LRRC4C: variants seen among roughly 807,000 people sequenced by gnomAD.
LRRC4C encodes the protein leucine-rich repeat-containing protein 4C.
A neutral mutation model predicts 33.6 loss-of-function variants in LRRC4C; 5 were observed. The observed-to-expected ratio is 0.15, with a 90% CI of 0.08 to 0.31. The LOEUF (loss-of-function observed/expected upper bound fraction) is 0.31, where lower values mean the gene tolerates loss of function less well. LRRC4C is among the 10% of genes least tolerant of loss of function. The probability of loss-of-function intolerance (pLI) is 1.00; values close to 1 mark genes in which losing one functional copy is unlikely to be tolerated. For missense variants in LRRC4C, 560 were observed against 796.7 expected, an observed-to-expected ratio of 0.70 and a Z score of 3.58; for synonymous variants, 329 against 302.0, an observed-to-expected ratio of 1.09 and a Z score of -0.93.
At chr11:41,401,736 T>C (rs1471874816) in intron 1 of LRRC4C, among the ~76,000 whole-genome samples, 1 of 151,932 alleles carries the variant, frequency 6.6e-6, no homozygotes, top group Non-Finnish European at 1.5e-5. Flanking sequence ...TGTTTACTAA[T>C]TTTTTTACTT....
At chr11:40,914,651 CCT>C (rs1956861452) in intron 2 of LRRC4C, among the ~76,000 whole-genome samples, 1 of 152,148 alleles carries the variant, frequency 6.6e-6, no homozygotes, top group South Asian at 2.1e-4. Context: ...ACAGGGATGC[CCT>C]CTCTCACCTC....
intron 1 of LRRC4C, among the ~76,000 whole-genome samples, chr11:41,211,116 C>A (rs984467511): frequency 6.6e-6 from 1 of 152,070 alleles, no homozygotes; most frequent in Non-Finnish European, 1.5e-5. Context: ...GTCTGTGGCC[C>A]CAGGAGTTGG....
chr11:40,891,902 A>G (rs1447072829), intron 2 of LRRC4C, among the ~76,000 whole-genome samples: 3 of 151,942 alleles, frequency 2.0e-5, no homozygotes, highest in Non-Finnish European at 4.4e-5. Flanking sequence ...TTGGGAGGCC[A>G]AGGTGGGTGT....
At chr11:40,925,750 C>T (rs1303217119) in intron 2 of LRRC4C, among the ~76,000 whole-genome samples, 1 of 152,110 alleles carries the variant, frequency 6.6e-6, no homozygotes, top group Non-Finnish European at 1.5e-5. Context: ...TCTCTATTAT[C>T]ATTTACTTTA....
At chr11:40,794,326 A>G (rs1950740194) in intron 2 of LRRC4C, among the ~76,000 whole-genome samples, 1 of 149,200 alleles carries the variant, frequency 6.7e-6, no homozygotes, top group South Asian at 2.2e-4. Flanking sequence ...AGAAAAGAAT[A>G]TATTTTTAAG....
At chr11:40,789,562 C>T (rs1227972313) in intron 2 of LRRC4C, among the ~76,000 whole-genome samples, 1 of 152,030 alleles carries the variant, frequency 6.6e-6, no homozygotes, top group African/African-American at 2.4e-5. Flanking sequence ...AGTAAGGTTG[C>T]TCTACTCTTC....
At chr11:41,015,525 T>G (rs147370441) in intron 1 of LRRC4C, among the ~76,000 whole-genome samples, 16 of 152,028 alleles carry the variant, frequency 1.1e-4, no homozygotes, top group Middle Eastern at 3.4e-3. Context: ...TGTTGGTCAG[T>G]CTGGTTTTGA....
At chr11:40,611,331 T>C (rs771532109) in intron 3 of LRRC4C, among the ~76,000 whole-genome samples, 4 of 151,814 alleles carry the variant, frequency 2.6e-5, no homozygotes, top group Non-Finnish European at 4.4e-5. Context: ...AGAGTGAAAA[T>C]GGACCCCTGA....
chr11:40,573,162 T>C (rs1958051296), intron 3 of LRRC4C, among the ~76,000 whole-genome samples: 1 of 152,222 alleles, frequency 6.6e-6, no homozygotes, highest in South Asian at 2.1e-4. Flanking sequence ...AGATTAAATA[T>C]ATCCAGGACC....
intron 4 of LRRC4C, among the ~76,000 whole-genome samples, chr11:40,249,968 G>A (rs1184316217): frequency 6.9e-6 from 1 of 145,972 alleles, no homozygotes; most frequent in Non-Finnish European, 1.5e-5. Flanking sequence ...GCGCCAAGGG[G>A]CAAGTTAAGC....
At position 41,257,363 on chromosome 11, in the gene LRRC4C, G is replaced by C. The variant is rs1302107538; in HGVS notation, c.-496+202068C>G. On this transcript the variant is annotated intron_variant, in intron 1 of 6. Transcript: ENST00000528697. ...GATTCAAAATGCAGCCCCACCATCA[G>C]GCTGAGACACAATCACATTCCACAC... Among the ~76,000 whole-genome samples, 5 of 152,054 alleles carry C rather than the reference G, an allele frequency of 3.3e-5. No individual in the cohort carries two copies. The East Asian group carries it at 9.7e-4, about 29-fold the overall frequency.
In LRRC4C at chr11:40,438,136, C is replaced by T. The variant is rs186485880; in HGVS notation, c.-269-118415G>A. Among the ~76,000 whole-genome samples, 15 of 152,316 alleles carry T rather than the reference C, an allele frequency of 9.8e-5. No homozygotes were observed. In the East Asian group the frequency reaches 2.7e-3, roughly 27 times the overall value. ...TCAGCACACTGTGATCTCAATGCAG[C>T]GACCTACTGTTTTTCACCACTAGGC... is the stretch of plus-strand genomic sequence containing the variant. On this transcript the variant is annotated intron_variant, in intron 3 of 6. Transcript: ENST00000528697.
rs962026644 is a variant in LRRC4C, at chr11:40,289,427, A to G, written c.-176+30201T>C. On this transcript the variant is annotated intron_variant, in intron 4 of 6. Coordinates refer to ENST00000528697, the MANE Select transcript of LRRC4C (RefSeq NM_001258419.2). ...GTATTGTTCAAAGGGCACAGCTACT[A>G]CATTTGAGGAAGAAGATATTTGAAA... 2.0e-5 allele frequency among the ~76,000 whole-genome samples: 3 copies of G among 152,166 alleles called. No homozygotes were observed. The East Asian group carries it at 5.8e-4, about 29-fold the overall frequency.
At chr11:40,947,031 G>C (rs531525508) in intron 1 of LRRC4C, among the ~76,000 whole-genome samples, 1 of 152,052 alleles carries the variant, frequency 6.6e-6, no homozygotes, top group Non-Finnish European at 1.5e-5. Flanking sequence ...GGGTATAAGC[G>C]AAGTTAAGGC....
chr11:41,430,205 A>G (rs1016753672), intron 1 of LRRC4C, among the ~76,000 whole-genome samples: 8 of 152,180 alleles, frequency 5.3e-5, no homozygotes, highest in Non-Finnish European at 1.5e-5. Context: ...CAAAGAATGT[A>G]GCTGGTATAT....
intron 1 of LRRC4C, among the ~76,000 whole-genome samples, chr11:41,304,587 C>T (rs866593417): frequency 7.0e-4 from 55 of 78,986 alleles, no homozygotes; most frequent in African/African-American, 1.6e-3. Flanking sequence ...GGGTCAGCCC[C>T]CCGCCCGGCC....
chr11:40,596,035 T>C (rs1396202296), intron 3 of LRRC4C, among the ~76,000 whole-genome samples: 1 of 151,594 alleles, frequency 6.6e-6, no homozygotes, highest in Admixed American at 6.6e-5. Context: ...GTATTCCCAG[T>C]GTAGCACAGA....
In LRRC4C at chr11:41,133,134, AG is replaced by A. The variant is rs377642017; in HGVS notation, c.-495-199412del. ...ATAAGAAAGGAACTAAACACACACA[AG>A]AGCAAAGACCATAGCTTTTCATCTC... is the stretch of plus-strand genomic sequence containing the variant. On this transcript the variant is annotated intron_variant, in intron 1 of 6. Coordinates refer to ENST00000528697, the MANE Select transcript of LRRC4C (RefSeq NM_001258419.2). Among the ~76,000 whole-genome samples, 881 of 152,272 alleles carry A rather than the reference AG, an allele frequency of 5.8e-3. 6 individuals are homozygous for A. Among genetic ancestry groups the A allele is most frequent in the Non-Finnish European group, 8.0e-3 (541 of 68,022 alleles).
At chr11:40,462,567 G>A (rs2138198838) in intron 3 of LRRC4C, among the ~76,000 whole-genome samples, 1 of 152,132 alleles carries the variant, frequency 6.6e-6, no homozygotes, top group African/African-American at 2.4e-5. Context: ...ACAGATAATA[G>A]GATTTCTGTT....
Sources: allele counts gnomAD v4.1 joint callset (sites outside exome capture counted in the v4.1 genomes callset), GRCh38; gene constraint gnomAD v4.1.1; transcripts MANE v1.5; gene names NCBI Gene and HGNC (gene_info 2026-07-23, HGNC 2026-07-21).